TEKTL1: variants seen among roughly 807,000 people sequenced by gnomAD.
The protein encoded by TEKTL1 is tektin like 1, also known as tektin-like protein 1.
At chr19:15,013,882 A>T in the TEKTL1 span, 233,335 of 684,756 alleles carry the variant, frequency 0.34, 40,636 homozygotes, top group Non-Finnish European at 0.37. Context: ...AATTCCTTCA[A>T]GCCACACTGA....
At chr19:15,023,083 G>GCCGCC in the TEKTL1 span, 4 of 1,607,594 alleles carry the variant, frequency 2.5e-6, no homozygotes, top group East Asian at 9.0e-5. Flanking sequence ...ACCCGCGCAC[G>GCCGCC]CCGCCGCCGC....
the TEKTL1 span, among the ~76,000 whole-genome samples, chr19:15,012,880 C>G: frequency 6.6e-6 from 1 of 152,064 alleles, no homozygotes; most frequent in East Asian, 1.9e-4. Context: ...ACTCCCAACT[C>G]CCAGCTGAGG....
chr19:15,020,915 T>C, the TEKTL1 span, among the ~76,000 whole-genome samples: 9 of 151,398 alleles, frequency 5.9e-5, no homozygotes, highest in Non-Finnish European at 1.2e-4. Context: ...AGTCTTGCTC[T>C]GTCACCCAGG....
chr19:15,015,477 AATG>A, the TEKTL1 span, among the ~76,000 whole-genome samples: 1 of 152,092 alleles, frequency 6.6e-6, no homozygotes, highest in African/African-American at 2.4e-5. Flanking sequence ...CGGTGATTTC[AATG>A]AAAACCACCA....
At chr19:15,021,575 C>G in the TEKTL1 span, 4 of 1,613,412 alleles carry the variant, frequency 2.5e-6, no homozygotes, top group Non-Finnish European at 3.4e-6. Context: ...GAGACGCGGA[C>G]TGGGAGCCAG....
the TEKTL1 span, chr19:15,021,561 G>T: frequency 6.2e-7 from 1 of 1,613,570 alleles, no homozygotes; most frequent in East Asian, 2.2e-5. Flanking sequence ...GTGGGACAGG[G>T]GAGGAGACGC....
the TEKTL1 span, among the ~76,000 whole-genome samples, chr19:15,011,939 T>TGA: frequency 3.9e-5 from 6 of 151,944 alleles, no homozygotes; most frequent in South Asian, 6.3e-4. Context: ...GGGTGACAGG[T>TGA]GAGAACCTGT....
At chr19:15,020,327 AGT>A in the TEKTL1 span, 5 of 715,714 alleles carry the variant, frequency 7.0e-6, no homozygotes, top group Non-Finnish European at 1.1e-5. Flanking sequence ...AAAAAATGAG[AGT>A]GTCAGTTTCC....
chr19:15,018,124 G>A, the TEKTL1 span, among the ~76,000 whole-genome samples: 9 of 152,118 alleles, frequency 5.9e-5, no homozygotes, highest in East Asian at 1.9e-4. Context: ...AGGCTGAGGC[G>A]GGTGGATCAC....
chr19:15,020,267 C>T, the TEKTL1 span, among the ~76,000 whole-genome samples: 1 of 150,176 alleles, frequency 6.7e-6, no homozygotes, highest in East Asian at 2.0e-4. Flanking sequence ...ATGGTGGCAC[C>T]ACTGCACTCC....
the TEKTL1 span, chr19:15,011,480 T>C: frequency 8.1e-7 from 1 of 1,227,942 alleles, no homozygotes; most frequent in Non-Finnish European, 1.1e-6. Flanking sequence ...GGGGAAATCC[T>C]TTCCATACTT....
chr19:15,018,792 G>T, the TEKTL1 span, among the ~76,000 whole-genome samples: 3 of 144,038 alleles, frequency 2.1e-5, no homozygotes, highest in African/African-American at 7.6e-5. Flanking sequence ...AATGTAAGCA[G>T]AATTGCCTGA....
chr19:15,018,715 A>AATATATATATATATATATATAT, the TEKTL1 span, among the ~76,000 whole-genome samples: 4,466 of 67,854 alleles, frequency 0.066, 1,077 homozygotes, highest in East Asian at 0.14. Flanking sequence ...CCTATCTCAA[A>AATATATATATATATATATATAT]ATATGTATAT....
chr19:15,019,673 T>C, the TEKTL1 span, among the ~76,000 whole-genome samples: 1 of 152,072 alleles, frequency 6.6e-6, no homozygotes, highest in Non-Finnish European at 1.5e-5. Flanking sequence ...TCTGGAACAT[T>C]GGGGAAATAA....
the TEKTL1 span, chr19:15,021,218 C>A: frequency 3.6e-6 from 4 of 1,110,904 alleles, no homozygotes; most frequent in Non-Finnish European, 3.8e-6. Context: ...ATCCCCCGCG[C>A]CCCCTGGACT....
At chr19:15,011,012 G>C in the TEKTL1 span, 1,474 of 1,585,266 alleles carry the variant, frequency 9.3e-4, 21 homozygotes, top group African/African-American at 0.017. Flanking sequence ...CCACCACCTC[G>C]GCCGCGCCGC....
the TEKTL1 span, among the ~76,000 whole-genome samples, chr19:15,013,314 G>T: frequency 6.6e-6 from 1 of 152,220 alleles, no homozygotes; most frequent in East Asian, 1.9e-4. Context: ...TGTAGCCAGG[G>T]AGAGGAGATA....
chr19:15,016,831 G>A, the TEKTL1 span, among the ~76,000 whole-genome samples: 1 of 152,148 alleles, frequency 6.6e-6, no homozygotes, highest in African/African-American at 2.4e-5. Context: ...ATATGAATGG[G>A]CATGACTGTG....
At chr19:15,018,314 A>G in the TEKTL1 span, among the ~76,000 whole-genome samples, 1 of 152,174 alleles carries the variant, frequency 6.6e-6, no homozygotes, top group Non-Finnish European at 1.5e-5. Flanking sequence ...AGATCGCACC[A>G]TTGCATGATC....
Sources: gnomAD v4.1 joint callset for allele counts (sites outside exome capture counted in the v4.1 genomes callset) on GRCh38, gnomAD v4.1.1 for gene constraint, MANE v1.5 for transcripts, NCBI Gene and HGNC (gene_info 2026-07-23, HGNC 2026-07-21) for gene names.